Variants in CADPS observed in about 807,000 individuals in gnomAD.
CADPS encodes the protein calcium-dependent secretion activator 1.
In CADPS, 57 loss-of-function variants were observed where a neutral mutation model predicts 167.3. The ratio of observed to expected loss-of-function variants is 0.34; its 90% confidence interval spans 0.28 to 0.42. The LOEUF (loss-of-function observed/expected upper bound fraction) is 0.42, where lower values mean the gene tolerates loss of function less well. Among genes scored for constraint, CADPS ranks in the 20% least tolerant of loss-of-function variants. CADPS has a pLI of 1.00. For synonymous variants in CADPS, 676 were observed against 635.3 expected, an observed-to-expected ratio of 1.06 and a Z score of -0.96; for missense variants, 1,414 against 1,738.1, an observed-to-expected ratio of 0.81 and a Z score of 3.32.
At chr3:62,665,175 G>T (rs2074191039) in intron 3 of CADPS, among the ~76,000 whole-genome samples, 1 of 152,156 alleles carries the variant, frequency 6.6e-6, no homozygotes, top group African/African-American at 2.4e-5. Flanking sequence ...CATTCACACA[G>T]GAAAAAGGAT....
chr3:62,683,175 G>A (rs976331094), intron 3 of CADPS, among the ~76,000 whole-genome samples: 3 of 151,974 alleles, frequency 2.0e-5, no homozygotes, highest in African/African-American at 7.3e-5. Flanking sequence ...CTATGAACAT[G>A]CTAGAAGCAA....
chr3:62,547,599 C>CCCT (rs1491241966), intron 11 of CADPS, among the ~76,000 whole-genome samples: 1 of 113,240 alleles, frequency 8.8e-6, no homozygotes, highest in African/African-American at 4.1e-5. Flanking sequence ...CCCCCCCCCC[C>CCCT]GCAAATTCTA....
chr3:62,651,013 G>T lies in CADPS; in HGVS notation c.1037C>A (p.Ser346Tyr). 7 of 1,614,150 alleles carry T rather than the reference G, an allele frequency of 4.3e-6. No homozygotes were observed. Among genetic ancestry groups the T allele is most frequent in the Non-Finnish European group, 5.9e-6 (7 of 1,179,982 alleles). The change falls in exon 5 of 30, where the codon TCT (serine) becomes TAT (tyrosine). Residue 346 changes from serine (S) to tyrosine (Y), a missense_variant. Physicochemically the swap from Ser to Tyr is moderately radical, Grantham distance 144 (BLOSUM62 -2). This residue lies in a region of CADPS where 522 missense variants were observed against 559.5 expected (regional missense o/e 0.93). Coordinates refer to ENST00000383710, the MANE Select transcript of CADPS (RefSeq NM_003716.4). Reference sequence around the variant, plus strand: ...CAAGTTGGCCATGAGCAGGTTGACAGATGACTTCAGCTCCTCAATGTACAT... The same window carrying T: ...CAAGTTGGCCATGAGCAGGTTGACATATGACTTCAGCTCCTCAATGTACAT... ...ENMYIEELKS[S>Y]VNLLMANLES...
intron 2 of CADPS, among the ~76,000 whole-genome samples, chr3:62,756,969 T>C (rs952080737): frequency 6.6e-6 from 1 of 152,024 alleles, no homozygotes. Flanking sequence ...TGGAAAGCCA[T>C]TGAAAGTTTT....
At chr3:62,605,463 G>T (rs1230050205) in intron 6 of CADPS, among the ~76,000 whole-genome samples, 1 of 152,212 alleles carries the variant, frequency 6.6e-6, no homozygotes, top group Non-Finnish European at 1.5e-5. Context: ...TGTCTGTAAA[G>T]TGGTCACATG....
In CADPS at chr3:62,727,127, G is replaced by A. The variant is rs1488667067; in HGVS notation, c.888+26314C>T. Among the ~76,000 whole-genome samples the A allele has an allele frequency of 2.0e-5, 3 of 151,638 alleles. No homozygotes were observed. In the East Asian group the frequency reaches 5.8e-4, roughly 29 times the overall value. On this transcript the variant is annotated intron_variant, in intron 3 of 29. Transcript: ENST00000383710. ...TCTATCTCCAGAATTCCATTCCTGT[G>A]CTTCTACCCAAAAGAAAGAGAATTG...
At chr3:62,443,282 T>G (rs1361315037) in intron 27 of CADPS, among the ~76,000 whole-genome samples, 2 of 152,196 alleles carry the variant, frequency 1.3e-5, no homozygotes, top group Admixed American at 6.5e-5. Context: ...GAAGATAAAA[T>G]GTAAACTGTT....
At chr3:62,540,164 T>G (rs2075446058) in intron 11 of CADPS, among the ~76,000 whole-genome samples, 1 of 152,140 alleles carries the variant, frequency 6.6e-6, no homozygotes, top group African/African-American at 2.4e-5. Context: ...TAGCTAATGT[T>G]CTATTCCTTC....
At chr3:62,769,824 C>T (rs1011844648) in intron 1 of CADPS, among the ~76,000 whole-genome samples, 2 of 152,146 alleles carry the variant, frequency 1.3e-5, no homozygotes, top group Non-Finnish European at 2.9e-5. Context: ...TGATACCACT[C>T]ACTTCCAGGC....
intron 13 of CADPS, among the ~76,000 whole-genome samples, chr3:62,526,265 A>G (rs967145984): frequency 6.6e-6 from 1 of 152,128 alleles, no homozygotes; most frequent in African/African-American, 2.4e-5. Flanking sequence ...ACTGCCAGAG[A>G]TTTTTAAGAT....
chr3:62,763,071 C>A (rs2085916142), intron 2 of CADPS, among the ~76,000 whole-genome samples: 1 of 152,144 alleles, frequency 6.6e-6, no homozygotes, highest in South Asian at 2.1e-4. Flanking sequence ...TATTAAGAAA[C>A]CATTACATTC....
intron 23 of CADPS, among the ~76,000 whole-genome samples, chr3:62,475,004 T>C (rs1006879045): frequency 3.3e-5 from 5 of 152,350 alleles, no homozygotes; most frequent in Admixed American, 6.5e-5. Context: ...TCAATGTCAA[T>C]GTATTATTTT....
intron 28 of CADPS, among the ~76,000 whole-genome samples, chr3:62,405,234 C>A (rs1708017384): frequency 6.6e-6 from 1 of 151,560 alleles, no homozygotes; most frequent in South Asian, 2.1e-4. Flanking sequence ...TCGAGCAATC[C>A]TGGCAAACTC....
Position 62,576,444 on chromosome 3 carries a change from A to G in CADPS, c.1578-5506T>C, listed in dbSNP as rs114898654. Among the ~76,000 whole-genome samples the G allele has an allele frequency of 6.0e-3, 911 of 152,124 alleles. 11 individuals are homozygous for G. Among genetic ancestry groups the G allele is most frequent in the African/African-American group, 0.021 (852 of 41,500 alleles). ...CTTAGCACGCTCACTGGCACGTGGTAAGGGCTGGATAAGTATTATTGTTAT... is the reference window on the plus strand; with the variant it reads ...CTTAGCACGCTCACTGGCACGTGGTGAGGGCTGGATAAGTATTATTGTTAT... On this transcript the variant is annotated intron_variant, in intron 8 of 29. Transcript: ENST00000383710.
chr3:62,873,428 G>C (rs1284852396), intron 1 of CADPS, among the ~76,000 whole-genome samples: 1 of 152,156 alleles, frequency 6.6e-6, no homozygotes. Context: ...GGGCTTGACT[G>C]GCTTTTTTGA....
At chr3:62,666,709 C>G (rs555174438) in intron 3 of CADPS, among the ~76,000 whole-genome samples, 51 of 152,328 alleles carry the variant, frequency 3.3e-4, no homozygotes, top group Non-Finnish European at 2.9e-4. Context: ...AAGCCCAGCA[C>G]TGTGTAAGTG....
At chr3:62,596,417 C>T (rs1428402624) in intron 6 of CADPS, among the ~76,000 whole-genome samples, 3 of 152,024 alleles carry the variant, frequency 2.0e-5, no homozygotes, top group South Asian at 2.1e-4. Flanking sequence ...AGGCTGGTTG[C>T]GAACTCCTGA....
At chr3:62,608,859 A>T (rs987712146) in intron 6 of CADPS, among the ~76,000 whole-genome samples, 8 of 152,156 alleles carry the variant, frequency 5.3e-5, no homozygotes, top group African/African-American at 1.9e-4. Flanking sequence ...AATTAACTTT[A>T]ATTTCCTTGA....
chr3:62,532,737 GT>G, intron 13 of CADPS, 133 bp downstream of exon 13: 1 of 644,440 alleles, frequency 1.6e-6, no homozygotes, highest in Non-Finnish European at 2.7e-6. Context: ...GTGTGTGTGT[GT>G]GTGTGTGTGT....
Sources: allele counts gnomAD v4.1 joint callset (sites outside exome capture counted in the v4.1 genomes callset), GRCh38; gene constraint gnomAD v4.1.1; regional missense constraint gnomAD v4.1.1; transcripts MANE v1.5; gene names NCBI Gene and HGNC (gene_info 2026-07-23, HGNC 2026-07-21).